Variants in FAXC observed in about 807,000 individuals in gnomAD.
FAXC encodes the protein failed axon connections homolog.
In FAXC, 10 loss-of-function variants were observed where a neutral mutation model predicts 41.9. The observed-to-expected ratio is 0.24, with a 90% CI of 0.15 to 0.41. FAXC has a LOEUF of 0.41. FAXC is among the 10% of genes least tolerant of loss of function. The probability of loss-of-function intolerance (pLI) is 1.00; values close to 1 mark genes in which losing one functional copy is unlikely to be tolerated. For missense variants in FAXC, 399 were observed against 510.9 expected, an observed-to-expected ratio of 0.78 and a Z score of 2.11; for synonymous variants, 183 against 183.8, an observed-to-expected ratio of 1.00 and a Z score of 0.03.
chr6:99,342,148 G>A (rs1469806114), intron 2 of FAXC, among the ~76,000 whole-genome samples: 1 of 152,176 alleles, frequency 6.6e-6, no homozygotes, highest in African/African-American at 2.4e-5. Context: ...AGAACATGGA[G>A]TGCTGTGGAA....
intron 4 of FAXC, among the ~76,000 whole-genome samples, chr6:99,293,665 AGTGTGT>A (rs55827992): frequency 0.091 from 11,220 of 123,040 alleles, 511 homozygotes; most frequent in East Asian, 0.22. Context: ...CTCTATACAC[AGTGTGT>A]GTGTGTGTGT....
In FAXC at chr6:99,323,621, T is replaced by C; in HGVS notation, c.646A>G (p.Lys216Glu). ...CCACCACCACTAAGAGAGAGCATCT[T>C]CCGGGTCTCATTGAGATTGTCCACC... ...QWVDNLNETRKMLSLSGGGPF... is the reference protein window; with the variant it reads ...QWVDNLNETREMLSLSGGGPF... Residue 216 changes from lysine (K) to glutamate (E), a missense_variant, in exon 4 of 6, where the codon AAG becomes GAG. This residue lies in a region of FAXC where 239 missense variants were observed against 352.7 expected (regional missense o/e 0.68). Transcript: ENST00000389677. The C allele has an allele frequency of 6.2e-7, 1 of 1,614,220 alleles. No homozygotes were observed. Among genetic ancestry groups the C allele is most frequent in the African/African-American group, 1.3e-5 (1 of 75,050 alleles).
intron 3 of FAXC, among the ~76,000 whole-genome samples, chr6:99,325,923 T>G (rs561665372): frequency 6.6e-6 from 1 of 152,364 alleles, no homozygotes; most frequent in South Asian, 2.1e-4. Context: ...AATTACAGAT[T>G]TGATCATAAG....
At chr6:99,319,398 CAAAAAAAAAAA>C (rs57370118) in intron 4 of FAXC, among the ~76,000 whole-genome samples, 1,903 of 47,746 alleles carry the variant, frequency 0.04, 70 homozygotes, top group African/African-American at 0.11. Flanking sequence ...GACTCCGTCT[CAAAAAAAAAAA>C]AAAAAAAAAA....
chr6:99,341,699 A>T (rs954009294), intron 2 of FAXC, among the ~76,000 whole-genome samples: 4 of 152,226 alleles, frequency 2.6e-5, no homozygotes, highest in African/African-American at 9.6e-5. Flanking sequence ...ACAAAAAAAT[A>T]AGCAGAAATA....
At chr6:99,292,894 C>T (rs926956004) in intron 4 of FAXC, among the ~76,000 whole-genome samples, 3 of 152,146 alleles carry the variant, frequency 2.0e-5, no homozygotes, top group African/African-American at 7.2e-5. Flanking sequence ...GCAAGCTCCA[C>T]CTCCCAGGTT....
intron 4 of FAXC, among the ~76,000 whole-genome samples, chr6:99,297,391 T>C (rs1166619663): frequency 6.6e-6 from 1 of 151,856 alleles, no homozygotes; most frequent in African/African-American, 2.4e-5. Flanking sequence ...CAATATTGAG[T>C]CTGAGAAGAA....
At chr6:99,341,090 T>C (rs945379778) in intron 2 of FAXC, among the ~76,000 whole-genome samples, 3 of 152,154 alleles carry the variant, frequency 2.0e-5, no homozygotes, top group African/African-American at 7.2e-5. Context: ...ACAGAATAAA[T>C]ACAGACTTTA....
At chr6:99,324,545 G>T (rs76370341) in intron 3 of FAXC, among the ~76,000 whole-genome samples, 1 of 152,090 alleles carries the variant, frequency 6.6e-6, no homozygotes, top group African/African-American at 2.4e-5. Context: ...CCTTTTTCCC[G>T]TCTAGGTGAT....
At chr6:99,345,572 G>A (rs550292572) in intron 1 of FAXC, among the ~76,000 whole-genome samples, 1 of 152,224 alleles carries the variant, frequency 6.6e-6, no homozygotes, top group Non-Finnish European at 1.5e-5. Flanking sequence ...TTACCATAAG[G>A]TTTATATAAG....
At chr6:99,295,308 CT>C (rs1771440719) in intron 4 of FAXC, among the ~76,000 whole-genome samples, 1 of 152,132 alleles carries the variant, frequency 6.6e-6, no homozygotes, top group Non-Finnish European at 1.5e-5. Flanking sequence ...GGCAGAAAGC[CT>C]TTTTAAATTT....
chr6:99,342,306 A>C (rs898478645), intron 2 of FAXC, among the ~76,000 whole-genome samples: 2 of 152,182 alleles, frequency 1.3e-5, no homozygotes, highest in African/African-American at 4.8e-5. Flanking sequence ...CATCTTTGTC[A>C]AGGCTCAGTA....
chr6:99,290,237 C>T (rs1308429089), intron 5 of FAXC, among the ~76,000 whole-genome samples: 1 of 151,904 alleles, frequency 6.6e-6, no homozygotes, highest in Non-Finnish European at 1.5e-5. Flanking sequence ...GCTACAACCC[C>T]ACACCCACCC....
chr6:99,348,918 C>A (rs181866203), intron 1 of FAXC, among the ~76,000 whole-genome samples, 189 bp downstream of exon 1: 1 of 152,188 alleles, frequency 6.6e-6, no homozygotes, highest in Non-Finnish European at 1.5e-5. Flanking sequence ...CGGTTTAATT[C>A]TCCTTTCAAC....
At position 99,275,415 on chromosome 6, in the gene FAXC, G is replaced by A. The variant is rs149006757; in HGVS notation, c.*5749C>T. On this transcript the variant is annotated 3_prime_UTR_variant, in exon 6 of 6. Transcript: ENST00000389677. ...TTGGTGCTGCTAGACCATATCTGTA[G>A]GTTATTCGTTTTATTATTGCAATGG... 1 of 152,136 alleles carries A rather than the reference G, an allele frequency of 6.6e-6. No homozygotes were observed. Among genetic ancestry groups the A allele is most frequent in the Non-Finnish European group, 1.5e-5 (1 of 68,022 alleles). 9.4% of individuals were successfully genotyped at this position (152,136 alleles called of 1,614,324 possible). A position where few individuals can be genotyped will look rare whatever the true frequency, so the allele number is the denominator to read the frequency against.
intron 3 of FAXC, among the ~76,000 whole-genome samples, chr6:99,332,527 G>C (rs1049225949): frequency 2.6e-5 from 4 of 152,178 alleles, no homozygotes; most frequent in Admixed American, 1.3e-4. Context: ...TAATGAGTTT[G>C]TAAAGCAAGA....
chr6:99,335,507 C>A (rs922951532), intron 2 of FAXC, among the ~76,000 whole-genome samples: 1 of 152,156 alleles, frequency 6.6e-6, no homozygotes, highest in Non-Finnish European at 1.5e-5. Flanking sequence ...CTTTGTTCTT[C>A]CTTTCACTTA....
intron 4 of FAXC, among the ~76,000 whole-genome samples, chr6:99,319,119 C>T (rs1772487874): frequency 1.3e-5 from 2 of 152,104 alleles, no homozygotes; most frequent in Admixed American, 6.5e-5. Context: ...CAAACCCGGC[C>T]GGGCGCGGTG....
chr6:99,310,792 T>C (rs9389234), intron 4 of FAXC, among the ~76,000 whole-genome samples: 30,846 of 152,228 alleles, frequency 0.2, 3,181 homozygotes, highest in Admixed American at 0.28. Context: ...CCTTTTCCAC[T>C]GCCTGGTTCT....
Sources: gnomAD v4.1 joint callset for allele counts (sites outside exome capture counted in the v4.1 genomes callset) on GRCh38, gnomAD v4.1.1 for gene constraint, gnomAD v4.1.1 regional missense constraint, MANE v1.5 for transcripts, NCBI Gene and HGNC (gene_info 2026-07-23, HGNC 2026-07-21) for gene names.